The following SHOC1 variants were observed in gnomAD, a reference collection of about 807,000 sequenced individuals.
The protein encoded by SHOC1 is protein shortage in chiasmata 1 ortholog.
A neutral mutation model predicts 179.2 loss-of-function variants in SHOC1; 136 were observed. That is an observed-to-expected ratio of 0.76 (90% CI 0.66 to 0.87). The LOEUF is 0.87. SHOC1 is among the 40% of genes least tolerant of loss of function. The pLI, the probability that SHOC1 is intolerant of heterozygous loss-of-function variation, is 0.00. For missense variants in SHOC1, 1,538 were observed against 1,700.8 expected (o/e 0.90, Z 1.68); for synonymous variants, 489 against 586.6 (o/e 0.83, Z 2.41).
intron 15 of SHOC1, among the ~76,000 whole-genome samples, chr9:111,719,081 A>G (rs189364067): frequency 1.3e-4 from 20 of 152,350 alleles, no homozygotes; most frequent in African/African-American, 7.2e-5. Context: ...GGGAAAGCCA[A>G]TTATGGGTAG....
intron 9 of SHOC1, among the ~76,000 whole-genome samples, chr9:111,747,013 A>C (rs1244060915): frequency 6.6e-6 from 1 of 152,076 alleles, no homozygotes; most frequent in East Asian, 1.9e-4. Flanking sequence ...CAAAGAAAGA[A>C]AAAAATTATT....
Position 111,688,021 on chromosome 9 carries a change from G to A in SHOC1, c.4427-1151C>T, listed in dbSNP as rs537571498. On this transcript the variant is annotated intron_variant, in intron 27 of 27. Transcript: ENST00000682961. ...TAAGTAAACAATTAGATGAAATACA[G>A]GGAATATTAATGACGACAGGACCTT... Among the ~76,000 whole-genome samples the A allele has an allele frequency of 2.6e-5, 4 of 152,272 alleles. No individual in the cohort carries two copies. In the South Asian group the frequency reaches 8.3e-4, roughly 32 times the overall value.
At chr9:111,785,774 T>A in intron 3 of SHOC1, 138 bp downstream of exon 3, 1 of 626,748 alleles carries the variant, frequency 1.6e-6, no homozygotes, top group East Asian at 3.5e-5. Flanking sequence ...TACTAAGTTG[T>A]TAACTTCTTG....
intron 5 of SHOC1, among the ~76,000 whole-genome samples, chr9:111,766,265 G>T (rs377607946): frequency 6.6e-6 from 1 of 152,136 alleles, no homozygotes; most frequent in East Asian, 1.9e-4. Context: ...ATATTCCATT[G>T]TGTAGATATA....
intron 11 of SHOC1, among the ~76,000 whole-genome samples, chr9:111,740,775 T>C (rs1302486637): frequency 6.6e-6 from 1 of 152,194 alleles, no homozygotes; most frequent in Non-Finnish European, 1.5e-5. Flanking sequence ...TTTCAACATG[T>C]TGGCCAGACT....
chr9:111,707,845 G>A lies in SHOC1; in HGVS notation c.2558+10C>T, dbSNP rs755084432. 1.8e-5 allele frequency: 27 copies of A among 1,541,076 alleles called. No homozygotes were observed. The East Asian group carries it at 5.8e-4, about 33-fold the overall frequency. ...GTTTGTTCCTCACAGATGAAGGAAT[G>A]AATTTTTACCCCCTTAAAACACCTT... On this transcript the variant is annotated intron_variant, in intron 19 of 27. Coordinates refer to ENST00000682961, the MANE Select transcript of SHOC1 (RefSeq NM_001378211.1).
At chr9:111,757,035 G>A (rs1467857672) in intron 7 of SHOC1, among the ~76,000 whole-genome samples, 1 of 151,992 alleles carries the variant, frequency 6.6e-6, no homozygotes, top group Non-Finnish European at 1.5e-5. Flanking sequence ...TTATTGTAAG[G>A]AAACCCCTTA....
chr9:111,737,349 A>T (rs760546098), intron 12 of SHOC1, among the ~76,000 whole-genome samples: 2 of 152,224 alleles, frequency 1.3e-5, no homozygotes, highest in African/African-American at 2.4e-5. Context: ...AAATATGTTC[A>T]TTATCCTATA....
At chr9:111,722,311 G>A (rs1348440710) in intron 15 of SHOC1, 98 bp downstream of exon 15, 2 of 1,109,794 alleles carry the variant, frequency 1.8e-6, no homozygotes, top group Non-Finnish European at 2.5e-6. Flanking sequence ...CACCATCTAT[G>A]GCTAATTTCT....
chr9:111,727,800 C>T lies in SHOC1; in HGVS notation c.1667G>A (p.Gly556Glu), dbSNP rs776539346. ...AGAGGAAGGTGATTTAATAGATGGT[C>T]CTGTGCAGTCAAGTTCAAAGTGATC... is the stretch of plus-strand genomic sequence containing the variant. ...NNDHFELDCT[G>E]PSIKSPSSSI... is the part of the protein sequence containing the mutation. The change falls in exon 13 of 28, where the codon GGA becomes GAA. Residue 556 changes from glycine to glutamate, a missense_variant. By Grantham distance (98) the Gly-to-Glu change is moderately conservative. Coordinates refer to ENST00000682961, the MANE Select transcript of SHOC1 (RefSeq NM_001378211.1). The T allele has an allele frequency of 1.4e-5, 22 of 1,612,986 alleles. No individual in the cohort carries two copies. The East Asian group carries it at 3.6e-4, about 26-fold the overall frequency.
chr9:111,725,687 G>C (rs1001522291), intron 13 of SHOC1, among the ~76,000 whole-genome samples: 1 of 152,224 alleles, frequency 6.6e-6, no homozygotes, highest in Admixed American at 6.5e-5. Flanking sequence ...AAAAGGCAAA[G>C]AGGCCAGGAA....
chr9:111,755,731 C>T (rs566530712), intron 8 of SHOC1, among the ~76,000 whole-genome samples: 1 of 152,240 alleles, frequency 6.6e-6, no homozygotes, highest in South Asian at 2.1e-4. Context: ...GAAAACAACT[C>T]TTCAAAAATT....
intron 23 of SHOC1, among the ~76,000 whole-genome samples, chr9:111,701,513 C>T (rs1304811592): frequency 6.6e-6 from 1 of 152,094 alleles, no homozygotes; most frequent in South Asian, 2.1e-4. Context: ...TCTAAAACAA[C>T]TTTTAAAAAT....
At chr9:111,705,162 A>AATATATATAT (rs72047905) in intron 21 of SHOC1, 85 bp downstream of exon 21, 26 of 277,160 alleles carry the variant, frequency 9.4e-5, no homozygotes, top group African/African-American at 5.1e-4. Flanking sequence ...AGCCTATCAG[A>AATATATATAT]ATATATATAC....
intron 21 of SHOC1, among the ~76,000 whole-genome samples, chr9:111,704,763 T>A (rs1243400932): frequency 6.6e-6 from 1 of 152,300 alleles, no homozygotes; most frequent in South Asian, 2.1e-4. Flanking sequence ...TGACCTTAGA[T>A]CTAAAGATTT....
At chr9:111,759,803 C>T (rs1211283965) in intron 5 of SHOC1, among the ~76,000 whole-genome samples, 1 of 152,170 alleles carries the variant, frequency 6.6e-6, no homozygotes, top group African/African-American at 2.4e-5. Flanking sequence ...CGGTTAACTA[C>T]ATAATTGGTA....
Position 111,693,857 on chromosome 9 carries a change from A to G in SHOC1, c.3407T>C (p.Leu1136Ser), listed in dbSNP as rs765525411. ...NKGPSLHWIL[L>S]ATLCQLQELL... is the part of the protein sequence containing the mutation. ...TTCCTGAAGTTGACACAGAGTTGCT[A>G]ATAATATCCAATGCAGTGAAGGTCC... is the stretch of plus-strand genomic sequence containing the variant. Residue 1136 changes from leucine to serine, a missense_variant, in exon 26 of 28, where the codon TTA becomes TCA. Coordinates refer to ENST00000682961, the MANE Select transcript of SHOC1 (RefSeq NM_001378211.1). 36 of 1,611,554 alleles carry G rather than the reference A, an allele frequency of 2.2e-5. No homozygotes were observed. The highest frequency in any genetic ancestry group is 3.0e-5 in the Non-Finnish European group (35 of 1,178,214).
rs549146827 is a variant in SHOC1, at chr9:111,701,531, TAA to T, written c.3089+572_3089+573del. ...AAAACAACTTTTAAAAATTTCCAAA[TAA>T]GTTATTTATCCAGAACACTTCCAAG... On this transcript the variant is annotated intron_variant, in intron 23 of 27. Transcript: ENST00000682961. Among the ~76,000 whole-genome samples the T allele has an allele frequency of 2.1e-3, 321 of 152,284 alleles. 1 individual carries two copies. The highest frequency in any genetic ancestry group is 6.8e-3 in the African/African-American group (283 of 41,582).
intron 22 of SHOC1, among the ~76,000 whole-genome samples, chr9:111,703,664 G>T (rs1370217761): frequency 6.6e-6 from 1 of 151,696 alleles, no homozygotes; most frequent in East Asian, 1.9e-4. Flanking sequence ...TTCTTTATTT[G>T]CCCTATCTTC....
Sources: allele counts gnomAD v4.1 joint callset (sites outside exome capture counted in the v4.1 genomes callset), GRCh38; gene constraint gnomAD v4.1.1; transcripts MANE v1.5; gene names NCBI Gene and HGNC (gene_info 2026-07-23, HGNC 2026-07-21).